The following NME9 variants were observed in gnomAD, a reference collection of about 807,000 sequenced individuals.
NME9 encodes NME/NM23 family member 9, also known as thioredoxin domain-containing protein 6.
In NME9, 48 loss-of-function variants were observed where a neutral mutation model predicts 44.4. The ratio of observed to expected loss-of-function variants is 1.08; its 90% CI spans 0.86 to 1.37. The LOEUF is 1.37. NME9 is among the 40% of genes most tolerant of loss of function. NME9 has a pLI of 0.00. For synonymous variants in NME9, 139 were observed against 147.1 expected, an observed-to-expected ratio of 0.94 and a Z score of 0.40; for missense variants, 325 against 405.2, an observed-to-expected ratio of 0.80 and a Z score of 1.70.
chr3:138,264,528 T>C (rs1290780288), intron 8 of NME9, among the ~76,000 whole-genome samples: 1 of 151,292 alleles, frequency 6.6e-6, no homozygotes, highest in African/African-American at 2.4e-5. Flanking sequence ...CAAGCGATTC[T>C]TCTGCCTCAG....
In NME9 at chr3:138,263,510, C is replaced by T. The variant is rs1576835202; in HGVS notation, c.746-924G>A. The T allele has an allele frequency of 7.2e-6, 4 of 555,158 alleles. No individual in the cohort carries two copies. In the East Asian group the frequency reaches 1.2e-4, roughly 17 times the overall value. The allele number at this position is 555,158 out of a possible 1,614,324, so 34.4% of individuals were successfully genotyped here. On this transcript the variant is annotated intron_variant, in intron 8 of 8. Coordinates refer to the NME9 transcript ENST00000317876. ...GTTAAATGTCTTTAAAAATAAACAA[C>T]ATAACCTGCCCCTTACGCCTGTCAT... is the stretch of plus-strand genomic sequence containing the variant.
chr3:138,277,677 G>A (rs534767226), intron 8 of NME9, among the ~76,000 whole-genome samples: 1 of 152,304 alleles, frequency 6.6e-6, no homozygotes, highest in Non-Finnish European at 1.5e-5. Context: ...AGGATGCAGA[G>A]CATCTAGTGG....
chr3:138,272,733 G>C (rs929979512), intron 8 of NME9, among the ~76,000 whole-genome samples: 2 of 152,148 alleles, frequency 1.3e-5, no homozygotes, highest in Admixed American at 6.5e-5. Context: ...AAATTAGCCA[G>C]GCGTGGTGGC....
At chr3:138,321,257 G>A (rs76477552) in intron 2 of NME9, among the ~76,000 whole-genome samples, 2,133 of 152,334 alleles carry the variant, frequency 0.014, 48 homozygotes, top group African/African-American at 0.047. Context: ...ATAATGAACA[G>A]AAACTTATTT....
At chr3:138,325,027 ATACT>A (rs2053693107) in intron 1 of NME9, 97 bp from the exon 2 acceptor site, 1 of 981,182 alleles carries the variant, frequency 1.0e-6, no homozygotes, top group Admixed American at 1.9e-5. Context: ...TATCTCTGAA[ATACT>A]TACAAGTACA....
At chr3:138,323,562 G>T (rs1222058096) in intron 2 of NME9, among the ~76,000 whole-genome samples, 4 of 152,198 alleles carry the variant, frequency 2.6e-5, no homozygotes, top group Non-Finnish European at 4.4e-5. Flanking sequence ...TCCCAGGAGG[G>T]ACATGACCAC....
intron 8 of NME9, chr3:138,274,606 G>C: frequency 8.1e-7 from 1 of 1,233,052 alleles, no homozygotes; most frequent in Non-Finnish European, 1.2e-6. Flanking sequence ...AAGTTCTTAA[G>C]AGTCTCCTGA....
intron 8 of NME9, chr3:138,273,195 C>T (rs1369914728): frequency 7.2e-7 from 1 of 1,382,970 alleles, no homozygotes; most frequent in Non-Finnish European, 9.9e-7. Flanking sequence ...TCTGTGCTCT[C>T]ATTAACATCT....
intron 8 of NME9, chr3:138,267,023 T>C (rs2048348629): frequency 7.2e-6 from 4 of 556,954 alleles, no homozygotes; most frequent in Non-Finnish European, 1.2e-5. Context: ...AAGTGGATTC[T>C]TCCTATCTCT....
chr3:138,286,152 AG>A (rs1480532006), intron 8 of NME9, among the ~76,000 whole-genome samples: 1 of 152,184 alleles, frequency 6.6e-6, no homozygotes, highest in African/African-American at 2.4e-5. Context: ...CATGTTGGCC[AG>A]GCTGGTCTCA....
In NME9 at chr3:138,287,768, G is replaced by A; in HGVS notation, c.745+15739C>T. 1.1e-5 allele frequency: 5 copies of A among 445,442 alleles called. No homozygotes were observed. In the East Asian group the frequency reaches 3.5e-4, roughly 31 times the overall value. The allele number at this position is 445,442 out of a possible 1,614,324, so 27.6% of individuals were successfully genotyped here. On this transcript the variant is annotated intron_variant, in intron 8 of 8. Transcript: ENST00000317876. Reference sequence around the variant, plus strand: ...GTTGAAATATAGTCCTACATGAGAAGATAAGTCTGTCTTAGCCTTGAAAAA... The same window carrying A: ...GTTGAAATATAGTCCTACATGAGAAAATAAGTCTGTCTTAGCCTTGAAAAA...
At chr3:138,269,634 G>A (rs2048588555) in intron 8 of NME9, among the ~76,000 whole-genome samples, 1 of 152,076 alleles carries the variant, frequency 6.6e-6, no homozygotes, top group Admixed American at 6.6e-5. Context: ...GAGTTCGTAA[G>A]CAATGCACAA....
rs776320900 is a variant in NME9, at chr3:138,271,798, C to CTTTTTTTTTTTTTTTT, written c.746-9213_746-9212insAAAAAAAAAAAAAAAA. Among the ~76,000 whole-genome samples the CTTTTTTTTTTTTTTTT allele has an allele frequency of 1.7e-3, 236 of 136,050 alleles. 7 individuals carry two copies. The highest frequency in any genetic ancestry group is 6.3e-3 in the African/African-American group (221 of 35,210). The allele number at this position is 136,050 out of a possible 152,430, so 89.3% of individuals were successfully genotyped here. ...AGTTCACAAGATTTTTTTTTTCTTTCTTTTTTTTTTTTTTTGATACAGAGT... is the reference window on the plus strand; with the variant it reads ...AGTTCACAAGATTTTTTTTTTCTTTCTTTTTTTTTTTTTTTTTTTTTTTTTTTTTTTGATACAGAGT... On this transcript the variant is annotated intron_variant, in intron 8 of 8. Transcript: ENST00000317876.
intron 6 of NME9, among the ~76,000 whole-genome samples, chr3:138,311,334 A>G (rs114473160): frequency 3.9e-5 from 6 of 152,302 alleles, no homozygotes; most frequent in African/African-American, 1.2e-4. Context: ...ACTAATACCA[A>G]TTATACTCAA....
chr3:138,297,915 C>G (rs1283471149), downstream of NME9: 1 of 152,192 alleles, frequency 6.6e-6, no homozygotes. Flanking sequence ...ATCTTGAACC[C>G]AAATAGCATT....
rs1174680725 is a variant in NME9 at position 138,271,799 on chromosome 3, T to C, written c.746-9213A>G. Among the ~76,000 whole-genome samples, 9 of 129,822 alleles carry C rather than the reference T, an allele frequency of 6.9e-5. No homozygotes were observed. In the East Asian group the frequency reaches 1.6e-3, roughly 23 times the overall value. 85.2% of individuals were successfully genotyped at this position (129,822 alleles called of 152,430 possible). On this transcript the variant is annotated intron_variant, in intron 8 of 8. Coordinates refer to the NME9 transcript ENST00000317876. ...GTTCACAAGATTTTTTTTTTCTTTCTTTTTTTTTTTTTTTGATACAGAGTC... is the reference window on the plus strand; with the variant it reads ...GTTCACAAGATTTTTTTTTTCTTTCCTTTTTTTTTTTTTTGATACAGAGTC...
chr3:138,296,101 G>T, downstream of NME9: 3 of 485,728 alleles, frequency 6.2e-6, no homozygotes, highest in African/African-American at 2.0e-5. Context: ...CTTGTGTTTT[G>T]TTTTGGTTTT....
At position 138,295,760 on chromosome 3, in the gene NME9, A is replaced by G. The variant is rs142899223; in HGVS notation, c.745+7747T>C. On this transcript the variant is annotated intron_variant, in intron 8 of 8. Transcript: ENST00000317876. The stretch of plus-strand genomic sequence containing the variant: ...TCACCCCAATTCCCTCTGGAGATTT[A>G]CTTTTTTAGACTTCCCCAGCTATCA... The G allele has an allele frequency of 1.4e-4, 191 of 1,383,752 alleles. 1 individual carries two copies. The African/African-American group carries it at 2.1e-3, about 15-fold the overall frequency. The allele number at this position is 1,383,752 out of a possible 1,614,324, so 85.7% of individuals were successfully genotyped here.
chr3:138,305,367 T>A (rs1337915624), intron 8 of NME9, among the ~76,000 whole-genome samples: 2 of 152,228 alleles, frequency 1.3e-5, no homozygotes, highest in African/African-American at 2.4e-5. Flanking sequence ...TGATGCTGGA[T>A]AACCAAGGGC....
Sources: allele counts gnomAD v4.1 joint callset (sites outside exome capture counted in the v4.1 genomes callset), GRCh38; gene constraint gnomAD v4.1.1; transcripts MANE v1.5; gene names NCBI Gene and HGNC (gene_info 2026-07-23, HGNC 2026-07-21).